EXOC3: variants seen among roughly 807,000 people sequenced by gnomAD.
The protein encoded by EXOC3 is SEC6-like 1.
EXOC3 carries 21 observed loss-of-function variants against 73.7 expected under a neutral mutation model. That is an observed-to-expected ratio of 0.29 (90% CI 0.20 to 0.41). The LOEUF is 0.41. Among genes scored for constraint, EXOC3 ranks in the 10% least tolerant of loss-of-function variants. The probability of loss-of-function intolerance (pLI) is 1.00; values close to 1 mark genes in which losing one functional copy is unlikely to be tolerated. For missense variants in EXOC3, 842 were observed against 985.1 expected (o/e 0.85, Z 1.95); for synonymous variants, 410 against 389.1 (o/e 1.05, Z -0.63).
chr5:466,104 GGGCTGTGACAGCTCT>G (rs1236160288), intron 12 of EXOC3: 1 of 372,048 alleles, frequency 2.7e-6, no homozygotes. Flanking sequence ...GGTGGGGGCG[GGGCTGTGACAGCTCT>G]GCTGTGTGTG....
intron 4 of EXOC3, among the ~76,000 whole-genome samples, chr5:455,283 A>G (rs1737776806): frequency 6.6e-6 from 1 of 152,200 alleles, no homozygotes; most frequent in South Asian, 2.1e-4. Flanking sequence ...TGGGCTGTGC[A>G]TGTGTGCACC....
chr5:458,885 G>C lies in EXOC3; in HGVS notation c.1291-474G>C, dbSNP rs529886328. Among the ~76,000 whole-genome samples the C allele has an allele frequency of 2.9e-3, 438 of 152,302 alleles. 1 individual carries two copies. The highest frequency in any genetic ancestry group is 5.0e-3 in the Non-Finnish European group (338 of 68,020). On this transcript the variant is annotated intron_variant, in intron 6 of 12. Coordinates refer to ENST00000512944, the MANE Select transcript of EXOC3 (RefSeq NM_007277.5). Reference sequence around the variant, plus strand: ...CCCTTTCCTTTGTTTGGAAACAGATGCCGTGAGAAACTGTGAGGAGAGCTC... The same window carrying C: ...CCCTTTCCTTTGTTTGGAAACAGATCCCGTGAGAAACTGTGAGGAGAGCTC...
Position 462,125 on chromosome 5 carries a change from C to T in EXOC3, c.1503-32C>T, listed in dbSNP as rs575131206. On this transcript the variant is annotated intron_variant, in intron 8 of 12. Transcript: ENST00000512944. ...AGCGGTGGAGGCCGGCCTGCCCAGC[C>T]GCTGTGTTGAACCTGAACCCTTTCC... 9.3e-6 allele frequency: 15 copies of T among 1,612,040 alleles called. No homozygotes were observed. In the South Asian group the frequency reaches 9.9e-5, roughly 11 times the overall value.
chr5:461,644 G>T, intron 7 of EXOC3: 1 of 314,468 alleles, frequency 3.2e-6, no homozygotes, highest in Non-Finnish European at 6.0e-6. Flanking sequence ...GTCTGATTAG[G>T]TTACCCCGAC....
chr5:464,464 C>T (rs1175322891), intron 10 of EXOC3, 52 bp downstream of exon 10: 2 of 1,588,090 alleles, frequency 1.3e-6, no homozygotes, highest in Non-Finnish European at 1.7e-6. Context: ...GGGCTCACCT[C>T]TCACCCTGCT....
intron 10 of EXOC3, 125 bp from the exon 11 acceptor site, chr5:464,986 G>A (rs1738097439): frequency 4.1e-6 from 4 of 984,838 alleles, no homozygotes; most frequent in South Asian, 1.7e-5. Flanking sequence ...GAGCCGTGGC[G>A]GAGCGAGGAG....
intron 10 of EXOC3, chr5:464,623 G>A: frequency 1.9e-6 from 1 of 519,168 alleles, no homozygotes; most frequent in Non-Finnish European, 3.5e-6. Flanking sequence ...TGGCCCTCGA[G>A]GTGGAGGGAG....
intron 1 of EXOC3, among the ~76,000 whole-genome samples, chr5:445,353 CT>C (rs11452170): frequency 2.7e-4 from 37 of 139,576 alleles, no homozygotes; most frequent in East Asian, 2.5e-3. Flanking sequence ...CTTTTTTTTT[CT>C]TTTTTTTTTT....
At chr5:466,376 CCAA>C in intron 12 of EXOC3, 1 of 280,694 alleles carries the variant, frequency 3.6e-6, no homozygotes, top group Non-Finnish European at 6.7e-6. Context: ...TGCCACTTCC[CCAA>C]GGGGCCACCT....
At chr5:465,624 G>T in intron 11 of EXOC3, 94 bp from the exon 12 acceptor site, 1 of 1,493,510 alleles carries the variant, frequency 6.7e-7, no homozygotes, top group South Asian at 1.2e-5. Flanking sequence ...GAAGAGGGAG[G>T]TTCCCAGTCA....
At position 447,698 on chromosome 5, in the gene EXOC3, G is replaced by T; in HGVS notation, c.310G>T (p.Val104Leu). The T allele has an allele frequency of 6.3e-7, 1 of 1,590,220 alleles. No homozygotes were observed. The highest frequency in any genetic ancestry group is 8.6e-7 in the Non-Finnish European group (1 of 1,167,502). Residue 104 changes from valine (V) to leucine (L), a missense_variant, in exon 3 of 13, where the codon GTG becomes TTG. Val to Leu is a conservative substitution (Grantham distance 32). Transcript: ENST00000512944. ...CCTCAAGGACGTCAAAGACGCCGTG[G>T]TGCAGCACAGCCAGCTCGCCGCAGC... The part of the protein sequence containing the change: ...ESLKDVKDAV[V>L]QHSQLAAAVE...
rs1390608126 is a variant in EXOC3, at chr5:464,414, TAAG to T, written c.1776+6_1776+8del. On this transcript the variant is annotated splice_donor_5th_base_variant and intron_variant, in intron 10 of 12. Coordinates refer to ENST00000512944, the MANE Select transcript of EXOC3 (RefSeq NM_007277.5). ...AAAATTAAAAAGCCGTATAAGAAGG[TAAG>T]AAGGTGGGACCTAGTTCCCTCATCA... 6.2e-7 allele frequency: 1 copy of T among 1,613,240 alleles called. No individual in the cohort carries two copies. The highest frequency in any genetic ancestry group is 8.5e-7 in the Non-Finnish European group (1 of 1,179,438).
At chr5:452,445 T>A (rs1196433840) in intron 3 of EXOC3, among the ~76,000 whole-genome samples, 1 of 125,886 alleles carries the variant, frequency 7.9e-6, no homozygotes, top group East Asian at 2.3e-4. Context: ...TTTCTTCACA[T>A]CTTTAAGTTC....
intron 4 of EXOC3, among the ~76,000 whole-genome samples, chr5:455,357 T>G (rs1737779168): frequency 6.6e-6 from 1 of 152,284 alleles, no homozygotes; most frequent in East Asian, 1.9e-4. Flanking sequence ...CCTTGGGGAG[T>G]CTCGTGAGTT....
At chr5:464,529 A>C (rs187746319) in intron 10 of EXOC3, 117 bp downstream of exon 10, 2 of 1,192,296 alleles carry the variant, frequency 1.7e-6, no homozygotes, top group Non-Finnish European at 1.2e-6. Context: ...TTGTTGTCCT[A>C]TCAGCCCAAG....
Position 459,427 on chromosome 5 carries a change from A to G in EXOC3, c.1359A>G (p.Leu453=). 6.4e-7 allele frequency: 1 copy of G among 1,566,148 alleles called. No homozygotes were observed. The highest frequency in any genetic ancestry group is 8.7e-7 in the Non-Finnish European group (1 of 1,149,004). The part of the protein sequence containing the change: ...SEDLKTKVLV[L]CLQQMNSFLS... ...ATTTGAAAACAAAGGTACTAGTTTT[A>G]TGTCTTCAGCAGATGAATTCTTTCC... The change falls in exon 7 of 13, where the codon TTA becomes TTG. Residue 453 remains leucine (L), a synonymous_variant. Coordinates refer to ENST00000512944, the MANE Select transcript of EXOC3 (RefSeq NM_007277.5).
intron 7 of EXOC3, among the ~76,000 whole-genome samples, chr5:459,955 C>T (rs183833963): frequency 2.0e-4 from 31 of 152,358 alleles, no homozygotes; most frequent in African/African-American, 3.8e-4. Context: ...GTTCACCCAT[C>T]GTGCAGTCCA....
At position 457,876 on chromosome 5, in the gene EXOC3, T is replaced by TC. The variant is rs747207339; in HGVS notation, c.1165-22dup. On this transcript the variant is annotated intron_variant, in intron 5 of 12. Transcript: ENST00000512944. ...GCACCTGCTCTTCTCTCTTCTCTTCTCCATGATGCTGAACTTTCTTTAGTC... is the reference window on the plus strand; with the variant it reads ...GCACCTGCTCTTCTCTCTTCTCTTCTCCCATGATGCTGAACTTTCTTTAGTC... The TC allele has an allele frequency of 1.3e-4, 204 of 1,592,922 alleles. 2 individuals are homozygous for TC. The African/African-American group carries it at 2.5e-3, about 20-fold the overall frequency.
chr5:465,284 G>C lies in EXOC3; in HGVS notation c.1938+12G>C. The C allele has an allele frequency of 6.4e-7, 1 of 1,568,748 alleles. No homozygotes were observed. The highest frequency in any genetic ancestry group is 8.6e-7 in the Non-Finnish European group (1 of 1,157,902). ...GGAAGCTGGCGTCCGTGAGTGTCGC[G>C]CAGGTCCGGGCTGGAGAAGGCCTGT... On this transcript the variant is annotated intron_variant, in intron 11 of 12. Transcript: ENST00000512944.
Sources: allele counts gnomAD v4.1 joint callset (sites outside exome capture counted in the v4.1 genomes callset), GRCh38; gene constraint gnomAD v4.1.1; transcripts MANE v1.5; gene names NCBI Gene and HGNC (gene_info 2026-07-23, HGNC 2026-07-21).